The following ITSN2 variants were observed in gnomAD, a reference collection of about 807,000 sequenced individuals.
The protein encoded by ITSN2 is intersectin 2, also known as intersectin-2.
A neutral mutation model predicts 243.7 loss-of-function variants in ITSN2; 156 were observed. That is an observed-to-expected ratio of 0.64 (90% confidence interval 0.56 to 0.73). The LOEUF is 0.73. Ranked by LOEUF, ITSN2 falls within the 30% of genes least tolerant of loss-of-function variation. The pLI is 0.00. For missense variants in ITSN2, 1,801 were observed against 1,996.1 expected, an observed-to-expected ratio of 0.90 and a Z score of 1.86; for synonymous variants, 703 against 699.9, an observed-to-expected ratio of 1.00 and a Z score of -0.07.
intron 8 of ITSN2, among the ~76,000 whole-genome samples, chr2:24,308,399 C>T (rs115239127): frequency 6.6e-5 from 10 of 152,200 alleles, no homozygotes; most frequent in Non-Finnish European, 1.5e-4. Flanking sequence ...ATCTGGTGCC[C>T]GACTTGACAG....
chr2:24,286,248 C>T lies in ITSN2; in HGVS notation c.1827G>A (p.Lys609=). 6.2e-7 allele frequency: 1 copy of T among 1,602,042 alleles called. No individual in the cohort carries two copies. Among genetic ancestry groups the T allele is most frequent in the Non-Finnish European group, 8.5e-7 (1 of 1,170,546 alleles). ...TGTTAAAAGAATCCATTTCTGACAG[C>T]TTAGATGCAGTTTCTTTTTCAAGAG... ...LDALEKETAS[K]LSEMDSFNNQ... Residue 609 remains lysine (K), a synonymous_variant, in exon 16 of 40, where the codon AAG becomes AAA. Coordinates refer to ENST00000355123, the MANE Select transcript of ITSN2 (RefSeq NM_006277.3).
rs1000496533 is a variant in ITSN2, at chr2:24,246,197, T to C, written c.3509A>G (p.Asn1170Ser). ...TGAAGGAAAGAGACCAGTCACCCCG[T>C]TGATCTCTCCTTGCCACCAATCAGG... is the stretch of plus-strand genomic sequence containing the variant. ...DDPDWWQGEI[N>S]GVTGLFPSNY... The change falls in exon 29 of 40, where the codon AAC becomes AGC. Residue 1170 changes from asparagine to serine, a missense_variant. By Grantham distance (46) the Asn-to-Ser change is conservative. Transcript: ENST00000355123. 9 of 1,613,544 alleles carry C rather than the reference T, an allele frequency of 5.6e-6. No individual in the cohort carries two copies. The highest frequency in any genetic ancestry group is 3.3e-5 in the Admixed American group (2 of 59,978).
chr2:24,336,540 T>C (rs1169407661), intron 1 of ITSN2, among the ~76,000 whole-genome samples: 1 of 152,212 alleles, frequency 6.6e-6, no homozygotes, highest in African/African-American at 2.4e-5. Context: ...TACCAATCTT[T>C]TTTGAAACAG....
intron 37 of ITSN2, among the ~76,000 whole-genome samples, chr2:24,206,079 G>A (rs900425627): frequency 6.6e-6 from 1 of 152,202 alleles, no homozygotes; most frequent in Non-Finnish European, 1.5e-5. Flanking sequence ...AACATATGCA[G>A]ATGCTGATGG....
chr2:24,329,611 C>T (rs1369817592), intron 1 of ITSN2, among the ~76,000 whole-genome samples: 6 of 152,064 alleles, frequency 3.9e-5, no homozygotes, highest in Non-Finnish European at 4.4e-5. Context: ...AAGTGAAGGC[C>T]TAGCAAATTT....
intron 1 of ITSN2, among the ~76,000 whole-genome samples, chr2:24,355,573 A>C (rs1245072587): frequency 6.6e-6 from 1 of 152,260 alleles, no homozygotes; most frequent in Non-Finnish European, 1.5e-5. Context: ...ACCTTATACA[A>C]AAATTAACTT....
Position 24,310,386 on chromosome 2 carries a change from AAAGAAAAAG to A in ITSN2, c.557-15_557-7del. ...AGATGACCCATGAGGCAATGCTAAA[AAAGAAAAAG>A]AAGGAAAAGTATGAAAGAAATTTGT... On this transcript the variant is annotated splice_polypyrimidine_tract_variant and splice_region_variant and intron_variant, in intron 6 of 39. Coordinates refer to ENST00000355123, the MANE Select transcript of ITSN2 (RefSeq NM_006277.3). 3 of 1,612,410 alleles carry A rather than the reference AAAGAAAAAG, an allele frequency of 1.9e-6. No individual in the cohort carries two copies. The highest frequency in any genetic ancestry group is 2.5e-6 in the Non-Finnish European group (3 of 1,179,122).
chr2:24,335,127 G>T, intron 1 of ITSN2: 1 of 214,492 alleles, frequency 4.7e-6, no homozygotes. Context: ...AGAGATAAGA[G>T]AAAGGGCCAA....
rs1683153953 is a variant in ITSN2, at chr2:24,310,694, T to C, written c.353-2A>G. On this transcript the variant is annotated splice_acceptor_variant, in intron 5 of 39. Coordinates refer to ENST00000355123, the MANE Select transcript of ITSN2 (RefSeq NM_006277.3). LOFTEE classifies it high-confidence loss of function. ...ACAGATTGGGCATGCTTCCCATTCC[T>C]AAAGTCAAAAGAAAACATTTTTTCC... 1 of 1,612,970 alleles carries C rather than the reference T, an allele frequency of 6.2e-7. No individual in the cohort carries two copies. Among genetic ancestry groups the C allele is most frequent in the Non-Finnish European group, 8.5e-7 (1 of 1,179,190 alleles).
chr2:24,357,509 G>A (rs922673163), intron 1 of ITSN2, among the ~76,000 whole-genome samples: 2 of 151,964 alleles, frequency 1.3e-5, no homozygotes, highest in Non-Finnish European at 2.9e-5. Flanking sequence ...TTAGAGGACG[G>A]GTGAATAGGT....
chr2:24,228,499 G>T lies in ITSN2; in HGVS notation c.3578-7433C>A, dbSNP rs77578526. Reference sequence around the variant, plus strand: ...CTAAGTTGGCAGGTATAAATACAAGGTGAAGTTAAAACACAAAAATGTAAT... The same window carrying T: ...CTAAGTTGGCAGGTATAAATACAAGTTGAAGTTAAAACACAAAAATGTAAT... On this transcript the variant is annotated intron_variant, in intron 29 of 39. Transcript: ENST00000355123. 2.2e-4 allele frequency among the ~76,000 whole-genome samples: 33 copies of T among 152,258 alleles called. No homozygotes were observed. In the East Asian group the frequency reaches 4.8e-3, roughly 22 times the overall value.
intron 33 of ITSN2, among the ~76,000 whole-genome samples, chr2:24,212,428 T>C (rs1188148921): frequency 6.6e-6 from 1 of 152,204 alleles, no homozygotes; most frequent in African/African-American, 2.4e-5. Flanking sequence ...ACCCAAGTGA[T>C]ACTGGATTCC....
At chr2:24,352,669 C>G (rs1688127724) in intron 1 of ITSN2, among the ~76,000 whole-genome samples, 1 of 152,054 alleles carries the variant, frequency 6.6e-6, no homozygotes, top group Non-Finnish European at 1.5e-5. Flanking sequence ...AAAAAATCAA[C>G]CAATAAGCCA....
intron 1 of ITSN2, among the ~76,000 whole-genome samples, chr2:24,337,345 T>TATATATGTATATAC (rs1686554925): frequency 8.2e-6 from 1 of 121,408 alleles, no homozygotes; most frequent in Non-Finnish European, 1.7e-5. Flanking sequence ...TATATATATA[T>TATATATGTATATAC]ATATATATGT....
chr2:24,247,499 G>C (rs1673541146), intron 27 of ITSN2, among the ~76,000 whole-genome samples: 1 of 152,136 alleles, frequency 6.6e-6, no homozygotes, highest in Admixed American at 6.5e-5. Context: ...TACAGAACTT[G>C]AGAGTAGTCT....
At chr2:24,243,491 A>G (rs1018840650) in intron 29 of ITSN2, among the ~76,000 whole-genome samples, 1 of 151,942 alleles carries the variant, frequency 6.6e-6, no homozygotes, top group African/African-American at 2.4e-5. Flanking sequence ...TAATCTTTCA[A>G]TATTTCCTTG....
chr2:24,246,154 C>T lies in ITSN2; in HGVS notation c.3552G>A (p.Thr1184=), dbSNP rs1673335532. The T allele has an allele frequency of 1.2e-6, 2 of 1,612,354 alleles. No homozygotes were observed. Among genetic ancestry groups the T allele is most frequent in the Non-Finnish European group, 1.7e-6 (2 of 1,179,102 alleles). Residue 1184 remains threonine, a synonymous_variant, in exon 29 of 40, where the codon ACG becomes ACA. Coordinates refer to ENST00000355123, the MANE Select transcript of ITSN2 (RefSeq NM_006277.3). ...ACTGTTGACTTGGATCTGAGTCTGT[C>T]GTCATCTTAACGTAGTTTGAAGGAA... ...GLFPSNYVKM[T]TDSDPSQQWC... is the part of the protein sequence containing the mutation.
intron 30 of ITSN2, among the ~76,000 whole-genome samples, 156 bp from the exon 31 acceptor site, chr2:24,218,169 C>T (rs1160391616): frequency 1.3e-5 from 2 of 152,218 alleles, no homozygotes; most frequent in East Asian, 1.9e-4. Flanking sequence ...ATACTTATGA[C>T]ACATTTTATA....
chr2:24,253,986 C>G (rs932884690), intron 24 of ITSN2, among the ~76,000 whole-genome samples: 41 of 152,082 alleles, frequency 2.7e-4, no homozygotes, highest in Admixed American at 2.7e-3. Flanking sequence ...ATACCTTGGT[C>G]CTCCTTAATG....
Sources: gnomAD v4.1 joint callset for allele counts (sites outside exome capture counted in the v4.1 genomes callset) on GRCh38, gnomAD v4.1.1 for gene constraint, MANE v1.5 for transcripts, NCBI Gene and HGNC (gene_info 2026-07-23, HGNC 2026-07-21) for gene names.